Variants in DPP6 observed in about 807,000 individuals in gnomAD.
DPP6 encodes dipeptidyl peptidase like 6.
Under a neutral mutation model 122.6 loss-of-function variants are expected in DPP6, and 69 were observed. That is an observed-to-expected ratio of 0.56 (90% confidence interval 0.46 to 0.69). The LOEUF is 0.69. Among genes scored for constraint, DPP6 ranks in the 30% least tolerant of loss-of-function variants. The pLI is 0.00. For missense variants in DPP6, 928 were observed against 1,116.9 expected, an observed-to-expected ratio of 0.83 and a Z score of 2.41; for synonymous variants, 418 against 433.1, an observed-to-expected ratio of 0.97 and a Z score of 0.43.
chr7:154,404,298 T>C (rs1815887928), intron 1 of DPP6, among the ~76,000 whole-genome samples: 1 of 152,182 alleles, frequency 6.6e-6, no homozygotes, highest in Non-Finnish European at 1.5e-5. Flanking sequence ...TAAATAAGAA[T>C]AATGATCAGA....
chr7:153,961,943 T>A lies in DPP6; in HGVS notation c.51+74209T>A, dbSNP rs574485239. 4.7e-5 allele frequency among the ~76,000 whole-genome samples: 7 copies of A among 149,504 alleles called. No individual in the cohort carries two copies. In the South Asian group the frequency reaches 1.5e-3, roughly 33 times the overall value. On this transcript the variant is annotated intron_variant, in intron 1 of 25. Coordinates refer to the DPP6 transcript ENST00000404039. ...TGAAGCCATCATTCATGGCTCAAGTTGGGGACCCCTGTGCTAGAGCACACA... is the reference window on the plus strand; with the variant it reads ...TGAAGCCATCATTCATGGCTCAAGTAGGGGACCCCTGTGCTAGAGCACACA...
At chr7:154,510,198 T>A (rs1300302758) in intron 3 of DPP6, among the ~76,000 whole-genome samples, 1 of 152,146 alleles carries the variant, frequency 6.6e-6, no homozygotes, top group Admixed American at 6.5e-5. Context: ...TCATGGCAGG[T>A]CCTTAGAAAC....
chr7:154,060,533 G>A (rs2129070793), intron 1 of DPP6, among the ~76,000 whole-genome samples: 1 of 138,468 alleles, frequency 7.2e-6, no homozygotes, highest in South Asian at 2.3e-4. Context: ...GGTGTTAGGT[G>A]TCCAAGTAGA....
In DPP6 at chr7:154,772,781, A is replaced by G. The variant is rs953562473; in HGVS notation, c.1039-64A>G. 1.2e-5 allele frequency: 19 copies of G among 1,569,192 alleles called. No individual in the cohort carries two copies. The African/African-American group carries it at 2.6e-4, about 21-fold the overall frequency. Reference sequence around the variant, plus strand: ...CGGAATCTCCCAGGAAAGGCTTTGCAGAGCTGAAGTTCACTCTTGTATAAG... The same window carrying G: ...CGGAATCTCCCAGGAAAGGCTTTGCGGAGCTGAAGTTCACTCTTGTATAAG... On this transcript the variant is annotated intron_variant, in intron 9 of 25. Coordinates refer to ENST00000377770, the MANE Select transcript of DPP6 (RefSeq NM_130797.4).
At chr7:153,800,804 A>T in the DPP6 span, among the ~76,000 whole-genome samples, 6 of 152,128 alleles carry the variant, frequency 3.9e-5, no homozygotes, top group Non-Finnish European at 8.8e-5. Flanking sequence ...GGCATGAGCC[A>T]CAGCACCCAG....
chr7:153,907,236 G>T lies in DPP6; in HGVS notation c.51+19502G>T, dbSNP rs377318729. On this transcript the variant is annotated intron_variant, in intron 1 of 25. Coordinates refer to the DPP6 transcript ENST00000404039. ...TGGTATCTCATTGTGGCTTTAATTT[G>T]CACTTCTCTGATGATGAGTGATGAT... is the stretch of plus-strand genomic sequence containing the variant. Among the ~76,000 whole-genome samples the T allele has an allele frequency of 8.1e-4, 124 of 152,160 alleles. 1 individual carries two copies. Among genetic ancestry groups the T allele is most frequent in the African/African-American group, 2.8e-3 (117 of 41,524 alleles).
chr7:154,297,072 T>G (rs566067193), intron 1 of DPP6, among the ~76,000 whole-genome samples: 20 of 139,484 alleles, frequency 1.4e-4, no homozygotes, highest in Admixed American at 4.8e-4. Flanking sequence ...TGTTTTTTTT[T>G]TTTTGTTTTG....
At chr7:153,842,513 G>T in the DPP6 span, among the ~76,000 whole-genome samples, 3 of 151,598 alleles carry the variant, frequency 2.0e-5, no homozygotes, top group Admixed American at 6.6e-5. Context: ...GCTTCTGCCT[G>T]TTTAATCATG....
At chr7:154,650,619 A>C (rs2130989687) in intron 6 of DPP6, among the ~76,000 whole-genome samples, 1 of 152,300 alleles carries the variant, frequency 6.6e-6, no homozygotes, top group Non-Finnish European at 1.5e-5. Context: ...TTGTTGATTG[A>C]GTCGAGCTGT....
At chr7:153,801,350 A>C in the DPP6 span, among the ~76,000 whole-genome samples, 1 of 151,386 alleles carries the variant, frequency 6.6e-6, no homozygotes, top group Non-Finnish European at 1.5e-5. Context: ...CATAAATTCT[A>C]TGTCAGGTCT....
chr7:154,396,533 G>C (rs574553953), intron 1 of DPP6, among the ~76,000 whole-genome samples: 4 of 152,174 alleles, frequency 2.6e-5, no homozygotes, highest in Non-Finnish European at 4.4e-5. Context: ...ATGCTATCTC[G>C]TGCTCATATT....
At chr7:154,235,523 A>G (rs1299619256) in intron 1 of DPP6, among the ~76,000 whole-genome samples, 1 of 144,552 alleles carries the variant, frequency 6.9e-6, no homozygotes, top group African/African-American at 2.8e-5. Flanking sequence ...ACTCTAAGTG[A>G]TAATTAAAAG....
chr7:154,703,794 G>A (rs1014249154), intron 7 of DPP6, among the ~76,000 whole-genome samples: 5 of 151,894 alleles, frequency 3.3e-5, no homozygotes, highest in Non-Finnish European at 7.4e-5. Flanking sequence ...AAAATTAGCA[G>A]GGCGTGGTGG....
intron 3 of DPP6, among the ~76,000 whole-genome samples, chr7:154,493,662 C>T (rs999301326): frequency 1.3e-5 from 2 of 152,020 alleles, no homozygotes; most frequent in African/African-American, 4.8e-5. Context: ...AATTAAAATG[C>T]CTGTAATCAT....
intron 6 of DPP6, among the ~76,000 whole-genome samples, chr7:154,655,155 G>A (rs1305455608): frequency 6.6e-6 from 1 of 152,028 alleles, no homozygotes; most frequent in African/African-American, 2.4e-5. Context: ...GCTATTTTTT[G>A]GTGCCTTTGG....
intron 1 of DPP6, among the ~76,000 whole-genome samples, chr7:154,360,219 T>C (rs1257582440): frequency 6.6e-6 from 1 of 152,206 alleles, no homozygotes; most frequent in Non-Finnish European, 1.5e-5. Flanking sequence ...GTGCCCAGGA[T>C]GACACTGCCT....
chr7:154,091,825 A>G (rs1339757981), intron 1 of DPP6, among the ~76,000 whole-genome samples: 3 of 152,008 alleles, frequency 2.0e-5, no homozygotes, highest in African/African-American at 7.3e-5. Context: ...GTGGACATCC[A>G]CTGCCCAGCA....
intron 1 of DPP6, among the ~76,000 whole-genome samples, chr7:153,980,261 G>C (rs1025436059): frequency 1.3e-5 from 2 of 151,984 alleles, no homozygotes; most frequent in African/African-American, 4.8e-5. Context: ...ACTTCTTCGT[G>C]GTTTAGTCTT....
chr7:154,158,683 C>A (rs891107069), intron 1 of DPP6, among the ~76,000 whole-genome samples: 1 of 151,894 alleles, frequency 6.6e-6, no homozygotes, highest in Non-Finnish European at 1.5e-5. Flanking sequence ...ATAATAAAAG[C>A]TGAATAGAAT....
Sources: allele counts gnomAD v4.1 joint callset (sites outside exome capture counted in the v4.1 genomes callset), GRCh38; gene constraint gnomAD v4.1.1; transcripts MANE v1.5; gene names NCBI Gene and HGNC (gene_info 2026-07-23, HGNC 2026-07-21).